DOCK3: variants seen among roughly 807,000 people sequenced by gnomAD.
DOCK3 encodes the protein dedicator of cytokinesis protein 3.
A neutral mutation model predicts 265.6 loss-of-function variants in DOCK3; 60 were observed. That is an observed-to-expected ratio of 0.23 (90% CI 0.18 to 0.28). The LOEUF is 0.28. Ranked by LOEUF, DOCK3 falls within the 10% of genes least tolerant of loss-of-function variation. The pLI, the probability that DOCK3 is intolerant of heterozygous loss-of-function variation, is 1.00. For synonymous variants in DOCK3, 881 were observed against 938.0 expected (o/e 0.94, Z 1.11); for missense variants, 1,981 against 2,594.3 (o/e 0.76, Z 5.14).
chr3:51,375,731 T>G lies in DOCK3; in HGVS notation c.5413-17T>G, dbSNP rs141690709. The G allele has an allele frequency of 2.8e-5, 45 of 1,613,952 alleles. No individual in the cohort carries two copies. In the African/African-American group the frequency reaches 4.5e-4, roughly 16 times the overall value. ...TGGTTGTTTTCACTCTCTGTAATGT[T>G]TATCTCCTTCCTTCAGCCGCCGAAT... On this transcript the variant is annotated splice_polypyrimidine_tract_variant and intron_variant, in intron 50 of 52. Transcript: ENST00000266037.
intron 27 of DOCK3, among the ~76,000 whole-genome samples, chr3:51,288,885 GGTGTGTGTGTGTGTGTGGGTGT>G (rs2081566704): frequency 6.8e-6 from 1 of 146,972 alleles, no homozygotes; most frequent in African/African-American, 2.6e-5. Context: ...TGTTTGTGTG[GGTGTGTGTGTGTGTGTGGGTGT>G]GTGTGTGTGT....
intron 2 of DOCK3, among the ~76,000 whole-genome samples, chr3:50,806,925 G>A (rs533806916): frequency 6.6e-6 from 1 of 152,244 alleles, no homozygotes; most frequent in South Asian, 2.1e-4. Flanking sequence ...CTCAGGGGGT[G>A]TAAGGACTGT....
intron 20 of DOCK3, 95 bp downstream of exon 20, chr3:51,236,523 C>A: frequency 9.0e-7 from 1 of 1,116,384 alleles, no homozygotes; most frequent in Non-Finnish European, 1.3e-6. Flanking sequence ...TGAATCAGCA[C>A]AAGATATAGA....
intron 2 of DOCK3, among the ~76,000 whole-genome samples, chr3:50,785,965 TA>T (rs2042165153): frequency 6.6e-6 from 1 of 151,984 alleles, no homozygotes; most frequent in Admixed American, 6.6e-5. Context: ...TTTTTTTTTT[TA>T]ATTACCATTT....
intron 1 of DOCK3, among the ~76,000 whole-genome samples, chr3:50,699,898 C>T (rs2035923892): frequency 6.6e-6 from 1 of 152,072 alleles, no homozygotes; most frequent in East Asian, 1.9e-4. Context: ...TATTTTGATA[C>T]ATGCATACAA....
At chr3:50,803,403 AT>A (rs1173665931) in intron 2 of DOCK3, among the ~76,000 whole-genome samples, 1 of 152,204 alleles carries the variant, frequency 6.6e-6, no homozygotes, top group Non-Finnish European at 1.5e-5. Flanking sequence ...AAGGCCATAG[AT>A]TAACAGCATC....
chr3:51,222,408 G>C (rs898349768), intron 14 of DOCK3, among the ~76,000 whole-genome samples: 3 of 152,162 alleles, frequency 2.0e-5, no homozygotes, highest in Non-Finnish European at 2.9e-5. Flanking sequence ...TAGATCCCTG[G>C]AGCTTTTCAC....
chr3:51,159,118 T>C (rs2086004926), intron 10 of DOCK3, 126 bp from the exon 11 acceptor site: 1 of 750,636 alleles, frequency 1.3e-6, no homozygotes, highest in Non-Finnish European at 2.2e-6. Context: ...ATTAAAGTGC[T>C]ATATGCTGTA....
intron 1 of DOCK3, among the ~76,000 whole-genome samples, chr3:50,731,424 TTA>T (rs1248270926): frequency 2.6e-5 from 4 of 152,200 alleles, no homozygotes; most frequent in African/African-American, 9.6e-5. Context: ...GGCTCATCAT[TTA>T]TAACAAATGT....
chr3:50,890,171 A>G (rs749817237), intron 4 of DOCK3, 90 bp downstream of exon 4: 8 of 1,035,148 alleles, frequency 7.7e-6, no homozygotes, highest in Non-Finnish European at 9.2e-6. Flanking sequence ...TATAAAATAT[A>G]CAATTGATAT....
chr3:51,000,013 G>A (rs1394710792), intron 5 of DOCK3, among the ~76,000 whole-genome samples: 1 of 152,134 alleles, frequency 6.6e-6, no homozygotes, highest in Non-Finnish European at 1.5e-5. Flanking sequence ...GGCTCACAGT[G>A]GACCTAGGGA....
At chr3:51,148,614 T>G (rs973235828) in intron 10 of DOCK3, among the ~76,000 whole-genome samples, 6 of 152,188 alleles carry the variant, frequency 3.9e-5, no homozygotes, top group African/African-American at 9.7e-5. Flanking sequence ...TTTCCCCATT[T>G]CTTGTTTTTG....
intron 5 of DOCK3, among the ~76,000 whole-genome samples, chr3:50,987,843 C>G (rs542411605): frequency 8.7e-4 from 133 of 152,294 alleles, no homozygotes; most frequent in African/African-American, 3.1e-3. Flanking sequence ...CAGGAGATCT[C>G]CTTGTGAACC....
At chr3:50,758,205 A>G (rs1001590512) in intron 1 of DOCK3, among the ~76,000 whole-genome samples, 8 of 149,906 alleles carry the variant, frequency 5.3e-5, no homozygotes, top group African/African-American at 2.0e-4. Context: ...AAGAAAAAAA[A>G]AAAGAAAATT....
intron 1 of DOCK3, among the ~76,000 whole-genome samples, chr3:50,775,776 A>G (rs1439427044): frequency 2.0e-5 from 3 of 152,018 alleles, no homozygotes; most frequent in Non-Finnish European, 2.9e-5. Context: ...CACAGAGTCT[A>G]TTACTCTGTA....
Position 50,701,622 on chromosome 3 carries a change from G to T in DOCK3, c.37+26322G>T, listed in dbSNP as rs533628718. On this transcript the variant is annotated intron_variant, in intron 1 of 52. Transcript: ENST00000266037. ...CCATTTGTCTATTTTTGTTTTTGTT[G>T]CCTGTGCTTTTGAGGTCTTAGTCAT... is the stretch of plus-strand genomic sequence containing the variant. Among the ~76,000 whole-genome samples the T allele has an allele frequency of 2.6e-5, 4 of 152,030 alleles. No homozygotes were observed. The South Asian group carries it at 8.3e-4, about 32-fold the overall frequency.
At chr3:51,200,030 C>T (rs1006362559) in intron 12 of DOCK3, among the ~76,000 whole-genome samples, 2 of 152,070 alleles carry the variant, frequency 1.3e-5, no homozygotes, top group African/African-American at 2.4e-5. Flanking sequence ...AAAAACCCAT[C>T]TGTACATCAC....
chr3:51,379,528 G>A (rs1553617802), intron 51 of DOCK3: 1 of 985,334 alleles, frequency 1.0e-6, no homozygotes, highest in Non-Finnish European at 1.2e-6. Context: ...CCCATATGGG[G>A]CGCATCCTGG....
At position 51,341,385 on chromosome 3, in the gene DOCK3, G is replaced by A. The variant is rs1286132050; in HGVS notation, c.3915G>A (p.Lys1305=). 1.2e-6 allele frequency: 2 copies of A among 1,613,570 alleles called. No individual in the cohort carries two copies. Among genetic ancestry groups the A allele is most frequent in the Non-Finnish European group, 1.7e-6 (2 of 1,179,710 alleles). ...RKIIHYFNKG[K]SWEFGIPLCR... ...TCATTCACTACTTCAACAAAGGCAA[G>A]GTATGCATCATTAGGCAAGCCCTTT... The change falls in exon 38 of 53, where the codon AAG becomes AAA. Residue 1305 remains lysine, a splice_region_variant and synonymous_variant. Coordinates refer to ENST00000266037, the MANE Select transcript of DOCK3 (RefSeq NM_004947.5).
Sources: gnomAD v4.1 joint callset for allele counts (sites outside exome capture counted in the v4.1 genomes callset) on GRCh38, gnomAD v4.1.1 for gene constraint, MANE v1.5 for transcripts, NCBI Gene and HGNC (gene_info 2026-07-23, HGNC 2026-07-21) for gene names.